Variants in CIP2A observed in about 807,000 individuals in gnomAD.
The protein encoded by CIP2A is cellular inhibitor of PP2A, also known as protein CIP2A.
Under a neutral mutation model 110.9 loss-of-function variants are expected in CIP2A, and 103 were observed. The ratio of observed to expected loss-of-function variants is 0.93; its 90% CI spans 0.79 to 1.09. The LOEUF (loss-of-function observed/expected upper bound fraction) is 1.09. Among genes scored for constraint, CIP2A ranks in the 50% least tolerant of loss-of-function variants. The probability of loss-of-function intolerance (pLI) is 0.00; values close to 1 mark genes in which losing one functional copy is unlikely to be tolerated. For missense variants in CIP2A, 1,088 were observed against 1,038.4 expected, an observed-to-expected ratio of 1.05 and a Z score of -0.66; for synonymous variants, 381 against 361.6, an observed-to-expected ratio of 1.05 and a Z score of -0.61.
At chr3:108,584,818 A>G (rs1249401243) in intron 2 of CIP2A, 7 of 326,358 alleles carry the variant, frequency 2.1e-5, no homozygotes, top group Non-Finnish European at 3.3e-5. Context: ...AAATGGGGGA[A>G]AAGATAGAAA....
At chr3:108,587,581 A>G (rs890259015) in intron 1 of CIP2A, among the ~76,000 whole-genome samples, 8 of 152,216 alleles carry the variant, frequency 5.3e-5, no homozygotes, top group Non-Finnish European at 8.8e-5. Context: ...ATTAAAAACT[A>G]TCAAACTCTT....
chr3:108,574,376 C>T (rs1220885096), intron 8 of CIP2A, among the ~76,000 whole-genome samples: 2 of 152,060 alleles, frequency 1.3e-5, no homozygotes, highest in African/African-American at 4.8e-5. Flanking sequence ...TGCAGACTGA[C>T]CAAATATTCA....
chr3:108,563,367 T>C (rs1938073607), intron 12 of CIP2A, 123 bp from the exon 13 acceptor site: 3 of 676,038 alleles, frequency 4.4e-6, no homozygotes, highest in Non-Finnish European at 8.0e-6. Context: ...ATGTTTCTAA[T>C]GTTTGAATAT....
chr3:108,575,137 T>C (rs373971590), intron 8 of CIP2A: 16 of 152,068 alleles, frequency 1.1e-4, no homozygotes, highest in African/African-American at 3.6e-4. Flanking sequence ...AAAGAATCAA[T>C]CTAACAATCT....
In CIP2A at chr3:108,575,039, C is replaced by T. The variant is rs769038030; in HGVS notation, c.894+1232G>A. On this transcript the variant is annotated intron_variant, in intron 8 of 20. Transcript: ENST00000295746. ...AACATCCACAAATGTGGCCCCCGGA[C>T]AAGTGGTGAGCACTACATTCGTGAG... 3 of 152,192 alleles carry T rather than the reference C, an allele frequency of 2.0e-5. No homozygotes were observed. In the East Asian group the frequency reaches 5.8e-4, roughly 29 times the overall value. The allele number at this position is 152,192 out of a possible 1,614,324, so 9.4% of individuals were successfully genotyped here. A position where few individuals can be genotyped will look rare whatever the true frequency, so the allele number is the denominator to read the frequency against.
At position 108,557,386 on chromosome 3, in the gene CIP2A, T is replaced by C. The variant is rs986721054; in HGVS notation, c.2042A>G (p.Glu681Gly). ...AAGCTCTTCATTTTTTCTCTCAACTTCTCTCAACATACTAGCAAGTGTCCG... is the reference window on the plus strand; with the variant it reads ...AAGCTCTTCATTTTTTCTCTCAACTCCTCTCAACATACTAGCAAGTGTCCG... ...EARTLASMLREVERKNEELSV... is the reference protein window; with the variant it reads ...EARTLASMLRGVERKNEELSV... Residue 681 changes from glutamate to glycine, a missense_variant, in exon 17 of 21, where the codon GAA (glutamate) becomes GGA (glycine). Coordinates refer to ENST00000295746, the MANE Select transcript of CIP2A (RefSeq NM_020890.3). 6.2e-7 allele frequency: 1 copy of C among 1,603,858 alleles called. No individual in the cohort carries two copies. The highest frequency in any genetic ancestry group is 8.5e-7 in the Non-Finnish European group (1 of 1,174,178).
chr3:108,561,009 T>C (rs1937990366), intron 13 of CIP2A, among the ~76,000 whole-genome samples, 168 bp from the exon 14 acceptor site: 1 of 152,158 alleles, frequency 6.6e-6, no homozygotes, highest in Non-Finnish European at 1.5e-5. Flanking sequence ...TATTCTGAAT[T>C]TTCCAGAGCA....
chr3:108,562,240 T>C (rs1938029547), intron 13 of CIP2A, among the ~76,000 whole-genome samples: 1 of 152,146 alleles, frequency 6.6e-6, no homozygotes, highest in Non-Finnish European at 1.5e-5. Flanking sequence ...CTTTTTCTTA[T>C]AGGTCAAGAT....
intron 8 of CIP2A, among the ~76,000 whole-genome samples, chr3:108,572,208 T>C (rs542396164): frequency 1.7e-4 from 26 of 152,208 alleles, no homozygotes; most frequent in African/African-American, 6.3e-4. Context: ...GCCCAACTTA[T>C]CGACTTTCTT....
Position 108,568,210 on chromosome 3 carries a change from C to T in CIP2A, c.1218G>A (p.Glu406=), listed in dbSNP as rs550462430. ...QLQFTEQNLD[E]ALTRKKCERI... ...TTTCACATTTTTTTCTTGTTAAAGC[C>T]TCATCTAGATTTTGTTCTGTGAACT... The change falls in exon 10 of 21, where the codon GAG becomes GAA. Residue 406 remains glutamate (E), a synonymous_variant. Coordinates refer to ENST00000295746, the MANE Select transcript of CIP2A (RefSeq NM_020890.3). 67 of 1,612,156 alleles carry T rather than the reference C, an allele frequency of 4.2e-5. 3 individuals are homozygous for T. The South Asian group carries it at 6.3e-4, about 15-fold the overall frequency.
At position 108,569,681 on chromosome 3, in the gene CIP2A, C is replaced by T. The variant is rs1433798451; in HGVS notation, c.895-74G>A. On this transcript the variant is annotated intron_variant, in intron 8 of 20. Transcript: ENST00000295746. Reference sequence around the variant, plus strand: ...TATACAAAGCAAGTGTATGATGAAGCTGAAAATGCTACATATTTTAAAGAA... The same window carrying T: ...TATACAAAGCAAGTGTATGATGAAGTTGAAAATGCTACATATTTTAAAGAA... 5 of 1,060,844 alleles carry T rather than the reference C, an allele frequency of 4.7e-6. No individual in the cohort carries two copies. The East Asian group carries it at 7.7e-5, about 16-fold the overall frequency. The allele number at this position is 1,060,844 out of a possible 1,614,324, so 65.7% of individuals were successfully genotyped here.
intron 18 of CIP2A, 33 bp downstream of exon 18, chr3:108,554,343 C>A: frequency 1.2e-6 from 1 of 865,894 alleles, no homozygotes; most frequent in East Asian, 2.6e-5. Context: ...TGAAAAATCC[C>A]ACATATTCAG....
At chr3:108,575,893 A>ATACAC (rs370166708) in intron 8 of CIP2A, among the ~76,000 whole-genome samples, 13 of 70,958 alleles carry the variant, frequency 1.8e-4, no homozygotes, top group African/African-American at 5.3e-4. Context: ...CATGTGTATG[A>ATACAC]GTATATATAC....
intron 6 of CIP2A, 23 bp downstream of exon 6, chr3:108,579,543 T>C (rs780047062): frequency 2.5e-6 from 4 of 1,577,246 alleles, no homozygotes; most frequent in Middle Eastern, 1.7e-4. Flanking sequence ...AACTTCAGAA[T>C]AAATTTGAAA....
At chr3:108,555,551 T>C (rs1460843733) in intron 17 of CIP2A, among the ~76,000 whole-genome samples, 7 of 152,166 alleles carry the variant, frequency 4.6e-5, no homozygotes. Flanking sequence ...CCAGATCCAT[T>C]GACAAGTAGA....
intron 20 of CIP2A, among the ~76,000 whole-genome samples, chr3:108,551,559 A>C (rs565263505): frequency 6.6e-6 from 1 of 152,256 alleles, no homozygotes; most frequent in East Asian, 1.9e-4. Context: ...TAATGCCAGC[A>C]GCTGAAATTT....
At chr3:108,578,694 G>A (rs1294147529) in intron 7 of CIP2A, among the ~76,000 whole-genome samples, 1 of 152,098 alleles carries the variant, frequency 6.6e-6, no homozygotes, top group Non-Finnish European at 1.5e-5. Flanking sequence ...ATTTAAGTTA[G>A]AATGCACAAA....
rs1182739942 is a variant in CIP2A, at chr3:108,554,391, T to C, written c.2309A>G (p.Lys770Arg). 4.0e-6 allele frequency: 6 copies of C among 1,489,368 alleles called. No homozygotes were observed. The highest frequency in any genetic ancestry group is 4.6e-6 in the Non-Finnish European group (5 of 1,075,542). The allele number at this position is 1,489,368 out of a possible 1,614,324, so 92.3% of individuals were successfully genotyped here. ...GAGATTTTACTTTTCATTTTGTTCC[T>C]TGAGTGACTCATTCAACTTTTTCAC... ...ETVKKLNESL[K>R]EQNEKSIAQL... Residue 770 changes from lysine to arginine, a missense_variant, in exon 18 of 21, where the codon AAG becomes AGG. Coordinates refer to ENST00000295746, the MANE Select transcript of CIP2A (RefSeq NM_020890.3).
At chr3:108,578,457 C>A (rs1377462893) in intron 7 of CIP2A, among the ~76,000 whole-genome samples, 4 of 151,948 alleles carry the variant, frequency 2.6e-5, no homozygotes, top group Non-Finnish European at 4.4e-5. Context: ...ATCAGCTGAG[C>A]CATATGAACA....
Sources: gnomAD v4.1 joint callset for allele counts (sites outside exome capture counted in the v4.1 genomes callset) on GRCh38, gnomAD v4.1.1 for gene constraint, MANE v1.5 for transcripts, NCBI Gene and HGNC (gene_info 2026-07-23, HGNC 2026-07-21) for gene names.